GRID2: variants seen among roughly 807,000 people sequenced by gnomAD.
The protein encoded by GRID2 is glutamate ionotropic receptor delta type subunit 2.
In GRID2, 33 loss-of-function variants were observed where a neutral mutation model predicts 114.8. The ratio of observed to expected loss-of-function variants is 0.29; its 90% CI spans 0.22 to 0.38. GRID2 has a LOEUF of 0.38. Ranked by LOEUF, GRID2 falls within the 10% of genes least tolerant of loss-of-function variation. The pLI is 1.00. For missense variants in GRID2, 1,184 were observed against 1,257.7 expected (o/e 0.94, Z 0.89); for synonymous variants, 505 against 449.9 (o/e 1.12, Z -1.55).
chr4:93,560,238 A>C (rs913090065), intron 13 of GRID2, among the ~76,000 whole-genome samples: 36 of 149,928 alleles, frequency 2.4e-4, no homozygotes, highest in Non-Finnish European at 4.5e-4. Context: ...AAAAAAAAAA[A>C]AAAAAAAAAA....
intron 1 of GRID2, among the ~76,000 whole-genome samples, chr4:92,368,405 T>C (rs377386863): frequency 6.6e-6 from 1 of 152,126 alleles, no homozygotes; most frequent in South Asian, 2.1e-4. Flanking sequence ...AAAGGATTTT[T>C]ATTGGAGACT....
At chr4:93,632,400 G>A (rs1439829005) in intron 14 of GRID2, among the ~76,000 whole-genome samples, 1 of 152,200 alleles carries the variant, frequency 6.6e-6, no homozygotes, top group East Asian at 1.9e-4. Context: ...TGTATAAGGT[G>A]TAAGGAAGGG....
intron 8 of GRID2, among the ~76,000 whole-genome samples, chr4:93,243,683 T>C (rs1236207248): frequency 1.3e-5 from 2 of 152,140 alleles, no homozygotes; most frequent in African/African-American, 4.8e-5. Flanking sequence ...AATGATGGTT[T>C]CATTTTTTTG....
At chr4:92,776,655 C>T (rs1419279071) in intron 2 of GRID2, among the ~76,000 whole-genome samples, 1 of 152,070 alleles carries the variant, frequency 6.6e-6, no homozygotes. Context: ...GAAACATTAG[C>T]ATCTTGTGTT....
chr4:92,972,676 G>T (rs1382292232), intron 2 of GRID2, among the ~76,000 whole-genome samples: 1 of 151,760 alleles, frequency 6.6e-6, no homozygotes, highest in African/African-American at 2.4e-5. Flanking sequence ...TGTCATGGGG[G>T]TTTGTTGTAC....
intron 13 of GRID2, among the ~76,000 whole-genome samples, chr4:93,607,867 T>C (rs1173080215): frequency 1.3e-5 from 2 of 152,104 alleles, no homozygotes; most frequent in Non-Finnish European, 2.9e-5. Context: ...GCACACGCTA[T>C]TCTTTTCTAG....
chr4:92,607,160 A>G (rs1181128419), intron 2 of GRID2, among the ~76,000 whole-genome samples: 3 of 151,996 alleles, frequency 2.0e-5, no homozygotes, highest in South Asian at 2.1e-4. Context: ...GAGCAGCAGG[A>G]TATAAATAAC....
intron 13 of GRID2, among the ~76,000 whole-genome samples, chr4:93,536,771 T>C (rs1421808919): frequency 6.6e-6 from 1 of 151,640 alleles, no homozygotes; most frequent in Non-Finnish European, 1.5e-5. Flanking sequence ...CAATGATTAA[T>C]AAATCAAATA....
At chr4:93,225,921 G>T (rs1015121685) in intron 7 of GRID2, among the ~76,000 whole-genome samples, 2 of 152,246 alleles carry the variant, frequency 1.3e-5, no homozygotes, top group Non-Finnish European at 2.9e-5. Flanking sequence ...AGCATCACAT[G>T]CTGAGCAGCT....
At chr4:93,739,032 G>A (rs975355594) in intron 14 of GRID2, among the ~76,000 whole-genome samples, 1 of 151,984 alleles carries the variant, frequency 6.6e-6, no homozygotes, top group Admixed American at 6.6e-5. Flanking sequence ...TCCTAAAAGA[G>A]AGCAGCCATC....
At position 93,398,133 on chromosome 4, in the gene GRID2, G is replaced by GTGTGTGTGTATGTATATATATATA; in HGVS notation, c.1347+2426_1347+2427insGTGTGTGTATGTATATATATATAT. Among the ~76,000 whole-genome samples, 661 of 122,322 alleles carry GTGTGTGTGTATGTATATATATATA rather than the reference G, an allele frequency of 5.4e-3. 56 individuals are homozygous for GTGTGTGTGTATGTATATATATATA. Among genetic ancestry groups the GTGTGTGTGTATGTATATATATATA allele is most frequent in the African/African-American group, 0.024 (621 of 25,892 alleles). 80.2% of individuals were successfully genotyped at this position (122,322 alleles called of 152,430 possible). ...GAAATACATACATGTATGTGTGTGTGTATATATATATATATATATCTTATC... is the reference window on the plus strand; with the variant it reads ...GAAATACATACATGTATGTGTGTGTGTGTGTGTGTATGTATATATATATATATATATATATATATATATCTTATC... On this transcript the variant is annotated intron_variant, in intron 9 of 15. Coordinates refer to ENST00000282020, the MANE Select transcript of GRID2 (RefSeq NM_001510.4).
chr4:93,521,151 A>G (rs1030368275), intron 13 of GRID2, among the ~76,000 whole-genome samples: 1 of 152,134 alleles, frequency 6.6e-6, no homozygotes, highest in Non-Finnish European at 1.5e-5. Flanking sequence ...AGGTGGAGGG[A>G]TGGAGTTGCC....
At position 93,460,454 on chromosome 4, in the gene GRID2, C is replaced by T. The variant is rs1353577409; in HGVS notation, c.1858+4480C>T. On this transcript the variant is annotated intron_variant, in intron 11 of 15. Coordinates refer to ENST00000282020, the MANE Select transcript of GRID2 (RefSeq NM_001510.4). Reference sequence around the variant, plus strand: ...CTCTCTGTCTTTATACAGCAAGTTCCTATTCATCCTCTAATTTTTTGCTTT... The same window carrying T: ...CTCTCTGTCTTTATACAGCAAGTTCTTATTCATCCTCTAATTTTTTGCTTT... 3.3e-5 allele frequency among the ~76,000 whole-genome samples: 5 copies of T among 152,160 alleles called. No individual in the cohort carries two copies. The East Asian group carries it at 9.7e-4, about 29-fold the overall frequency.
chr4:92,674,824 C>G (rs567294000), intron 2 of GRID2, among the ~76,000 whole-genome samples: 15 of 152,248 alleles, frequency 9.9e-5, no homozygotes, highest in Admixed American at 7.8e-4. Context: ...CCACTGCTCC[C>G]GGCCTGTGTT....
chr4:92,409,895 CT>C (rs1431771700), intron 1 of GRID2, among the ~76,000 whole-genome samples: 1 of 152,122 alleles, frequency 6.6e-6, no homozygotes, highest in Non-Finnish European at 1.5e-5. Context: ...GCTGTATCAC[CT>C]TTCCCTAGGA....
chr4:93,681,610 C>G (rs988227429), intron 14 of GRID2, among the ~76,000 whole-genome samples: 1 of 152,090 alleles, frequency 6.6e-6, no homozygotes, highest in African/African-American at 2.4e-5. Context: ...GAACAGAGCC[C>G]TCATAAGTAA....
At chr4:92,555,621 T>G (rs1726812608) in intron 1 of GRID2, among the ~76,000 whole-genome samples, 1 of 152,144 alleles carries the variant, frequency 6.6e-6, no homozygotes, top group Admixed American at 6.6e-5. Context: ...AATTGCATTT[T>G]GGCATGTTCT....
At chr4:93,208,254 A>C (rs2149471193) in intron 5 of GRID2, among the ~76,000 whole-genome samples, 1 of 152,140 alleles carries the variant, frequency 6.6e-6, no homozygotes, top group South Asian at 2.1e-4. Context: ...TTTTTGGATA[A>C]GAATCCTGGT....
At chr4:93,006,349 T>TA (rs1219300867) in intron 2 of GRID2, among the ~76,000 whole-genome samples, 4 of 151,906 alleles carry the variant, frequency 2.6e-5, no homozygotes, top group African/African-American at 9.7e-5. Flanking sequence ...TGAGAGTGGA[T>TA]AAAATCAGAC....
Sources: gnomAD v4.1 joint callset for allele counts (sites outside exome capture counted in the v4.1 genomes callset) on GRCh38, gnomAD v4.1.1 for gene constraint, MANE v1.5 for transcripts, NCBI Gene and HGNC (gene_info 2026-07-23, HGNC 2026-07-21) for gene names.